IFT172: variants seen among roughly 807,000 people sequenced by gnomAD.
IFT172 encodes intraflagellar transport 172, also known as intraflagellar transport protein 172 homolog.
A neutral mutation model predicts 248.9 loss-of-function variants in IFT172; 164 were observed. That is an observed-to-expected ratio of 0.66 (90% CI 0.58 to 0.75). The LOEUF is 0.75. Among genes scored for constraint, IFT172 ranks in the 30% least tolerant of loss-of-function variants. IFT172 has a pLI of 0.00. For synonymous variants in IFT172, 729 were observed against 791.6 expected (o/e 0.92, Z 1.33); for missense variants, 1,950 against 2,192.4 (o/e 0.89, Z 2.21).
intron 6 of IFT172, 98 bp from the exon 7 acceptor site, chr2:27,483,474 G>T: frequency 2.1e-6 from 3 of 1,417,898 alleles, no homozygotes; most frequent in South Asian, 1.2e-5. Flanking sequence ...TGTGCTTCCT[G>T]CTACCAGTTC....
intron 43 of IFT172, 32 bp downstream of exon 43, chr2:27,446,228 T>C: frequency 6.2e-7 from 1 of 1,602,042 alleles, no homozygotes; most frequent in Non-Finnish European, 8.6e-7. Flanking sequence ...AACTTCCTCC[T>C]ATCTGCCCCA....
chr2:27,479,455 A>G, intron 10 of IFT172, 54 bp downstream of exon 10: 4 of 960,898 alleles, frequency 4.2e-6, no homozygotes, highest in Admixed American at 1.7e-5. Flanking sequence ...GAAATGTTAT[A>G]AGGAGGAATG....
Position 27,458,236 on chromosome 2 carries a change from A to G in IFT172, c.2878-13T>C, listed in dbSNP as rs374938451. Reference sequence around the variant, plus strand: ...ATTTCATCGCCAGCTGTGGAGGCACAGAGGCAAGGCAGCCTCAGATCCAAT... The same window carrying G: ...ATTTCATCGCCAGCTGTGGAGGCACGGAGGCAAGGCAGCCTCAGATCCAAT... On this transcript the variant is annotated splice_polypyrimidine_tract_variant and intron_variant, in intron 26 of 47. Transcript: ENST00000260570. The G allele has an allele frequency of 1.9e-5, 31 of 1,610,836 alleles. 1 individual carries two copies. In the African/African-American group the frequency reaches 3.7e-4, roughly 19 times the overall value.
rs564132248 is a variant in IFT172 at position 27,478,180 on chromosome 2, C to A, written c.1006-24G>T. 3.0e-5 allele frequency: 49 copies of A among 1,613,068 alleles called. No homozygotes were observed. In the Admixed American group the frequency reaches 8.0e-4, roughly 26 times the overall value. On this transcript the variant is annotated intron_variant, in intron 10 of 47. Transcript: ENST00000260570. ...ACCTTGGTAAAGGACAAGTGTGAGC[C>A]CCTTAGGCTTCCCCAGCCCAAAAGA...
intron 25 of IFT172, 66 bp from the exon 26 acceptor site, chr2:27,458,934 A>G (rs1666410489): frequency 6.4e-7 from 1 of 1,557,746 alleles, no homozygotes; most frequent in Non-Finnish European, 8.8e-7. Flanking sequence ...TGAATGAGGA[A>G]AGAACAAACC....
intron 1 of IFT172, chr2:27,486,362 GT>G (rs920231566): frequency 8.4e-5 from 14 of 167,094 alleles, no homozygotes; most frequent in Non-Finnish European, 1.8e-4. Context: ...AGAAACCCAA[GT>G]TAGAAGTTAT....
chr2:27,454,062 A>G lies in IFT172; in HGVS notation c.3631T>C (p.Leu1211=), dbSNP rs1376355040. 1.2e-6 allele frequency: 2 copies of G among 1,613,836 alleles called. No individual in the cohort carries two copies. Among genetic ancestry groups the G allele is most frequent in the Non-Finnish European group, 1.7e-6 (2 of 1,179,990 alleles). Reference sequence around the variant, plus strand: ...GCTTTCTGAAAGTCCTTCTCCTCCAAGGCCCCCCGGGCCTGTCCCACAAGC... The same window carrying G: ...GCTTTCTGAAAGTCCTTCTCCTCCAGGGCCCCCCGGGCCTGTCCCACAAGC... ...EVLVGQARGA[L]EEKDFQKAEG... is the part of the protein sequence containing the mutation. Residue 1211 remains leucine, a synonymous_variant, in exon 33 of 48, where the codon TTG becomes CTG. Transcript: ENST00000260570. This position sits in a 1 kb window ranked among gnomAD's most constrained non-coding sequence, Gnocchi z 4.2.
intron 41 of IFT172, 27 bp downstream of exon 41, chr2:27,447,785 G>C: frequency 1.3e-6 from 2 of 1,595,038 alleles, no homozygotes; most frequent in East Asian, 2.2e-5. Flanking sequence ...GACAAGGACA[G>C]ACGGAGCAGC....
intron 20 of IFT172, 56 bp downstream of exon 20, chr2:27,462,645 T>C: frequency 6.7e-7 from 1 of 1,490,776 alleles, no homozygotes; most frequent in Non-Finnish European, 9.3e-7. Context: ...TGTACCCCCT[T>C]TTCTCTCTTT....
At position 27,454,647 on chromosome 2, in the gene IFT172, C is replaced by T; in HGVS notation, c.3385G>A (p.Ala1129Thr). ...HAADNCSFEF[A>T]FELSRLALKH... The stretch of plus-strand genomic sequence containing the variant: ...AGGGCCAGCCGAGAGAGTTCAAACG[C>T]AAATTCAAAGGAGCTGAAACAGAAA... Residue 1129 changes from alanine (A) to threonine (T), a missense_variant, in exon 31 of 48, where the codon GCG (alanine) becomes ACG (threonine). By Grantham distance (58) the Ala-to-Thr change is moderately conservative. Around this residue, in one of 3 missense-constraint regions of IFT172, gnomAD observed 164 missense variants for 239.3 expected, o/e 0.69. Coordinates refer to ENST00000260570, the MANE Select transcript of IFT172 (RefSeq NM_015662.3). This position sits in a 1 kb window ranked among gnomAD's most constrained non-coding sequence, Gnocchi z 4.2. The T allele has an allele frequency of 6.2e-7, 1 of 1,614,070 alleles. No individual in the cohort carries two copies. Among genetic ancestry groups the T allele is most frequent in the Non-Finnish European group, 8.5e-7 (1 of 1,179,998 alleles).
intron 16 of IFT172, among the ~76,000 whole-genome samples, chr2:27,468,933 C>T (rs769103695): frequency 1.3e-4 from 19 of 151,130 alleles, no homozygotes; most frequent in African/African-American, 3.9e-4. Flanking sequence ...TAAATTTTTC[C>T]GAACAACAAT....
rs764676705 is a variant in IFT172, at chr2:27,459,732, G to A, written c.2619C>T (p.Ala873=). The change falls in exon 24 of 48, where the codon GCC becomes GCT. Residue 873 remains alanine (A), a synonymous_variant. Transcript: ENST00000260570. ...HLVQQKQLDA[A]INHYIEARCS... ...ACCTGGCTTCGATGTAGTGATTAAT[G>A]GCTGCATCAAGCTGCTTCTGCTGCA... The A allele has an allele frequency of 1.2e-6, 2 of 1,612,840 alleles. No homozygotes were observed. The highest frequency in any genetic ancestry group is 1.1e-5 in the South Asian group (1 of 91,076).
intron 17 of IFT172, 79 bp downstream of exon 17, chr2:27,465,666 GT>G: frequency 6.3e-7 from 1 of 1,592,800 alleles, no homozygotes; most frequent in Non-Finnish European, 8.6e-7. Context: ...GTGCTGGCCA[GT>G]TTTACACCCC....
At chr2:27,485,629 CAA>C (rs1426126570) in intron 1 of IFT172, 126 bp from the exon 2 acceptor site, 27 of 1,100,316 alleles carry the variant, frequency 2.5e-5, no homozygotes, top group South Asian at 3.1e-5. Context: ...ATCCTCAAAA[CAA>C]AGAGATGCCT....
At position 27,453,415 on chromosome 2, in the gene IFT172, T is replaced by A. The variant is rs766021582; in HGVS notation, c.3920A>T (p.Asn1307Ile). 1.2e-6 allele frequency: 2 copies of A among 1,614,212 alleles called. No homozygotes were observed. Among genetic ancestry groups the A allele is most frequent in the South Asian group, 1.1e-5 (1 of 91,084 alleles). The change falls in exon 35 of 48, where the codon AAC becomes ATC. Residue 1307 changes from asparagine to isoleucine, a missense_variant. Asn to Ile is a moderately radical substitution (Grantham distance 149). Coordinates refer to ENST00000260570, the MANE Select transcript of IFT172 (RefSeq NM_015662.3). ...CCAGCACTTCTCCGCCAGGCCGCTG[T>A]TTCCAGAGTCTCGCACTTTGAGGTA... is the stretch of plus-strand genomic sequence containing the variant. ...DCYLKVRDSG[N>I]SGLAEKCWMK... is the part of the protein sequence containing the mutation.
rs745393421 is a variant in IFT172 at position 27,445,280 on chromosome 2, C to T, written c.5068+16G>A. The T allele has an allele frequency of 6.2e-7, 1 of 1,604,526 alleles. No individual in the cohort carries two copies. The highest frequency in any genetic ancestry group is 8.5e-7 in the Non-Finnish European group (1 of 1,174,104). On this transcript the variant is annotated intron_variant, in intron 46 of 47. Transcript: ENST00000260570. This position sits in a 1 kb window ranked among gnomAD's most constrained non-coding sequence, Gnocchi z 4.4. ...TCTACCCACCACAGGATCTGGGGTG[C>T]TGTAGGCTTCTATACCTGTAATAAG... is the stretch of plus-strand genomic sequence containing the variant.
chr2:27,476,981 G>A, intron 13 of IFT172: 1 of 590,300 alleles, frequency 1.7e-6, no homozygotes, highest in Non-Finnish European at 3.0e-6. Flanking sequence ...GTGCCACCAT[G>A]CCTGGATAAT....
intron 39 of IFT172, 107 bp downstream of exon 39, chr2:27,449,187 T>A (rs1453084356): frequency 7.1e-7 from 1 of 1,407,710 alleles, no homozygotes; most frequent in Non-Finnish European, 1.0e-6. Flanking sequence ...CCATTAGAAA[T>A]CTTTGGGCTT....
chr2:27,485,326 G>T (rs1668681403), intron 2 of IFT172, 34 bp downstream of exon 2: 1 of 1,612,956 alleles, frequency 6.2e-7, no homozygotes, highest in Non-Finnish European at 8.5e-7. Context: ...CCCATCAATA[G>T]GTTAAATAAG....
Sources: allele counts gnomAD v4.1 joint callset (sites outside exome capture counted in the v4.1 genomes callset), GRCh38; gene constraint gnomAD v4.1.1; regional missense constraint gnomAD v4.1.1; non-coding constraint Gnocchi (gnomAD v3.1); transcripts MANE v1.5; gene names NCBI Gene and HGNC (gene_info 2026-07-23, HGNC 2026-07-21).